SMG1: variants seen among roughly 807,000 people sequenced by gnomAD.
SMG1 encodes the protein serine/threonine-protein kinase SMG1.
In SMG1, 22 loss-of-function variants were observed where a neutral mutation model predicts 419.9. The observed-to-expected ratio is 0.05, with a 90% CI of 0.04 to 0.07. The LOEUF is 0.07. Ranked by LOEUF, SMG1 falls within the 10% of genes least tolerant of loss-of-function variation. SMG1 has a pLI of 1.00. For missense variants in SMG1, 3,185 were observed against 4,342.0 expected (o/e 0.73, Z 7.49); for synonymous variants, 1,538 against 1,553.5 (o/e 0.99, Z 0.23).
chr16:18,880,190 T>C (rs546734068), intron 10 of SMG1, among the ~76,000 whole-genome samples: 1 of 152,330 alleles, frequency 6.6e-6, no homozygotes, highest in South Asian at 2.1e-4. Flanking sequence ...ATGGTCTCTT[T>C]TGAAAGATAA....
rs1196900776 is a variant in SMG1, at chr16:18,828,148, A to G, written c.9624T>C (p.Leu3208=). 6.2e-7 allele frequency: 1 copy of G among 1,613,206 alleles called. No homozygotes were observed. Among genetic ancestry groups the G allele is most frequent in the Non-Finnish European group, 8.5e-7 (1 of 1,179,532 alleles). The change falls in exon 55 of 63, where the codon CTT becomes CTC. Residue 3208 remains leucine (L), a synonymous_variant. Transcript: ENST00000446231. ...CTGACATGGCTTGTGGTCTATTGAT[A>G]AGTAGATCTTCATGTTGCCACTGTT... The part of the protein sequence containing the change: ...AMFQWQHEDL[L]INRPQAMSVT...
rs187103729 is a variant in SMG1, at chr16:18,808,646, A to T, written c.*923T>A. 41 of 152,762 alleles carry T rather than the reference A, an allele frequency of 2.7e-4. 1 individual carries two copies. In the East Asian group the frequency reaches 7.5e-3, roughly 28 times the overall value. 9.5% of individuals were successfully genotyped at this position (152,762 alleles called of 1,614,324 possible). On this transcript the variant is annotated 3_prime_UTR_variant, in exon 63 of 63. Transcript: ENST00000446231. ...CAAAAGGGAGTGTACATTAAATCAA[A>T]TGTCTGTTAGATTCATTACTTTTGA...
chr16:18,838,259 A>C, intron 44 of SMG1, 27 bp from the exon 45 acceptor site: 1 of 1,609,188 alleles, frequency 6.2e-7, no homozygotes. Context: ...TTTTAAAATA[A>C]GGTCTGCCAC....
intron 55 of SMG1, among the ~76,000 whole-genome samples, 159 bp downstream of exon 55, chr16:18,827,872 A>ATG (rs1491568102): frequency 4.1e-5 from 6 of 144,668 alleles, no homozygotes; most frequent in Non-Finnish European, 4.6e-5. Flanking sequence ...ATATATATAT[A>ATG]TGTATAAATT....
chr16:18,863,669 C>A lies in SMG1; in HGVS notation c.3676G>T (p.Ala1226Ser). ...STSSTSLNLK[A>S]DFNYIKSLSS... ...CCTTACTTTATATAGTTGAAGTCAG[C>A]TTTCAGGTTGAGGGAAGTGCTACTG... The change falls in exon 25 of 63, where the codon GCT (alanine) becomes TCT (serine). Residue 1226 changes from alanine (A) to serine (S), a missense_variant. By Grantham distance (99) the Ala-to-Ser change is moderately conservative. Transcript: ENST00000446231. 1 of 1,594,938 alleles carries A rather than the reference C, an allele frequency of 6.3e-7. No individual in the cohort carries two copies. Among genetic ancestry groups the A allele is most frequent in the South Asian group, 1.1e-5 (1 of 90,948 alleles).
At chr16:18,920,400 A>G (rs890885575) in intron 1 of SMG1, among the ~76,000 whole-genome samples, 2 of 146,820 alleles carry the variant, frequency 1.4e-5, no homozygotes, top group African/African-American at 4.9e-5. Flanking sequence ...AAAAAAAAAA[A>G]GTTGGGGTGA....
chr16:18,853,650 A>G lies in SMG1; in HGVS notation c.4701T>C (p.Thr1567=), dbSNP rs1160851892. 1.2e-6 allele frequency: 2 copies of G among 1,611,946 alleles called. No homozygotes were observed. The highest frequency in any genetic ancestry group is 1.7e-6 in the Non-Finnish European group (2 of 1,178,854). ...TATTAACAGATGGCAGTTCTATTAGAGTGAGTATGTTTTTAGACAAAGTAG... is the reference window on the plus strand; with the variant it reads ...TATTAACAGATGGCAGTTCTATTAGGGTGAGTATGTTTTTAGACAAAGTAG... ...GLSTLSKNIL[T]LIELPSVNTM... Residue 1567 remains threonine (T), a synonymous_variant, in exon 31 of 63, where the codon ACT becomes ACC. Transcript: ENST00000446231.
At chr16:18,895,053 G>A (rs960540784) in intron 3 of SMG1, among the ~76,000 whole-genome samples, 19 of 151,944 alleles carry the variant, frequency 1.3e-4, no homozygotes, top group Non-Finnish European at 2.4e-4. Context: ...TCCTGACCTC[G>A]TGATCCGCCC....
At chr16:18,835,250 C>T (rs2033482215) in intron 48 of SMG1, 86 bp from the exon 49 acceptor site, 1 of 1,330,550 alleles carries the variant, frequency 7.5e-7, no homozygotes, top group Admixed American at 2.4e-5. Context: ...TCAAACAAAA[C>T]TTGAAGAGTA....
intron 49 of SMG1, 71 bp from the exon 50 acceptor site, chr16:18,834,509 G>C: frequency 7.1e-7 from 1 of 1,409,672 alleles, no homozygotes; most frequent in Non-Finnish European, 9.7e-7. Context: ...GCCGGGTCAA[G>C]GCCATGCCTG....
chr16:18,828,232 A>G, intron 54 of SMG1, 64 bp from the exon 55 acceptor site: 4 of 1,541,240 alleles, frequency 2.6e-6, no homozygotes, highest in Non-Finnish European at 3.5e-6. Context: ...AAATAAGGGA[A>G]GGGAGGCGCA....
At chr16:18,893,322 C>G (rs555394760) in intron 3 of SMG1, among the ~76,000 whole-genome samples, 3 of 152,180 alleles carry the variant, frequency 2.0e-5, no homozygotes, top group Admixed American at 2.0e-4. Context: ...AATAAAGATG[C>G]CTTTAAAAAC....
Position 18,842,242 on chromosome 16 carries a change from T to C in SMG1, c.6432A>G (p.Gly2144=). 6.2e-7 allele frequency: 1 copy of C among 1,613,960 alleles called. No homozygotes were observed. The highest frequency in any genetic ancestry group is 8.5e-7 in the Non-Finnish European group (1 of 1,179,842). The stretch of plus-strand genomic sequence containing the variant: ...GATAAGGATAGCTCTTCCCATCTGA[T>C]CCAAGAAAGAGAAGTTTCTTTGGCT... The part of the protein sequence containing the change: ...KTKPKKLLFL[G]SDGKSYPYLF... The change falls in exon 40 of 63, where the codon GGA becomes GGG. Residue 2144 remains glycine, a synonymous_variant. Transcript: ENST00000446231.
At position 18,850,466 on chromosome 16, in the gene SMG1, T is replaced by G; in HGVS notation, c.5054A>C (p.Asp1685Ala). The G allele has an allele frequency of 6.3e-7, 1 of 1,594,170 alleles. No individual in the cohort carries two copies. The highest frequency in any genetic ancestry group is 2.2e-5 in the East Asian group (1 of 44,594). The change falls in exon 34 of 63, where the codon GAT (aspartate) becomes GCT (alanine). Residue 1685 changes from aspartate to alanine, a missense_variant and splice_region_variant. Asp to Ala is a moderately radical substitution (Grantham distance 126). This residue lies in a region of SMG1 where 493 missense variants were observed against 552.9 expected (regional missense o/e 0.89). Transcript: ENST00000446231. ...QAVCRPAGIQDEDITLQITES... is the reference protein window; with the variant it reads ...QAVCRPAGIQAEDITLQITES... Reference sequence around the variant, plus strand: ...AGTTATCTGAAGTGTTATATCTTCATCCTGAAGAAAAATTGTGCACAAAAT... The same window carrying G: ...AGTTATCTGAAGTGTTATATCTTCAGCCTGAAGAAAAATTGTGCACAAAAT...
chr16:18,901,954 A>AGGG (rs1276541363), intron 1 of SMG1, among the ~76,000 whole-genome samples: 1 of 21,516 alleles, frequency 4.6e-5, no homozygotes, highest in Non-Finnish European at 9.1e-5. Flanking sequence ...AAAAAAAAAA[A>AGGG]GGGGGGGGTG....
chr16:18,827,329 G>A (rs1239197940), intron 55 of SMG1, among the ~76,000 whole-genome samples: 1 of 151,674 alleles, frequency 6.6e-6, no homozygotes, highest in Non-Finnish European at 1.5e-5. Context: ...CAGAGGCTGA[G>A]GCAGGAGAAT....
rs1174935206 is a variant in SMG1 at position 18,820,019 on chromosome 16, G to A, written c.9742-365C>T. Among the ~76,000 whole-genome samples, 3 of 152,002 alleles carry A rather than the reference G, an allele frequency of 2.0e-5. 1 individual carries two copies. The highest frequency in any genetic ancestry group is 6.8e-3 in the Middle Eastern group (2 of 294). On this transcript the variant is annotated intron_variant, in intron 55 of 62. Coordinates refer to ENST00000446231, the MANE Select transcript of SMG1 (RefSeq NM_015092.5). ...TCACTCTGTCACCCAGGCTGGAGTT[G>A]CAGTGGTGCAATCTCAGCTCACTGC...
intron 62 of SMG1, 73 bp downstream of exon 62, chr16:18,811,688 G>A: frequency 8.0e-7 from 1 of 1,243,522 alleles, no homozygotes; most frequent in Non-Finnish European, 1.2e-6. Context: ...GGAAATCGAT[G>A]AGAGGGATCT....
At chr16:18,860,561 C>T (rs1480446427) in intron 26 of SMG1, 106 bp downstream of exon 26, 1 of 622,704 alleles carries the variant, frequency 1.6e-6, no homozygotes, top group Non-Finnish European at 2.8e-6. Context: ...ATTCTGCCCC[C>T]ACAAAAATGT....
Sources: gnomAD v4.1 joint callset for allele counts (sites outside exome capture counted in the v4.1 genomes callset) on GRCh38, gnomAD v4.1.1 for gene constraint, gnomAD v4.1.1 regional missense constraint, MANE v1.5 for transcripts, NCBI Gene and HGNC (gene_info 2026-07-23, HGNC 2026-07-21) for gene names.